CFAP61: variants seen among roughly 807,000 people sequenced by gnomAD.
The protein encoded by CFAP61 is cilia- and flagella-associated protein 61.
CFAP61 carries 107 observed loss-of-function variants against 135.6 expected under a neutral mutation model. The ratio of observed to expected loss-of-function variants is 0.79; its 90% CI spans 0.67 to 0.93. The LOEUF (loss-of-function observed/expected upper bound fraction) is 0.93, where lower values mean the gene tolerates loss of function less well. Among genes scored for constraint, CFAP61 ranks in the 40% least tolerant of loss-of-function variants. CFAP61 has a pLI of 0.00. For missense variants in CFAP61, 1,507 were observed against 1,556.2 expected (o/e 0.97, Z 0.53); for synonymous variants, 575 against 578.5 (o/e 0.99, Z 0.09).
At chr20:20,229,429 T>A (rs1188910681) in intron 18 of CFAP61, among the ~76,000 whole-genome samples, 1 of 152,186 alleles carries the variant, frequency 6.6e-6, no homozygotes, top group East Asian at 1.9e-4. Context: ...AATCTTTTGC[T>A]CAGGATCACA....
At chr20:20,351,795 A>T (rs538147233) in intron 26 of CFAP61, among the ~76,000 whole-genome samples, 18 of 152,326 alleles carry the variant, frequency 1.2e-4, no homozygotes, top group Admixed American at 9.1e-4. Context: ...AAGAATTCAT[A>T]TTGTTAAAAT....
chr20:20,314,720 T>C (rs2122213407), intron 25 of CFAP61, among the ~76,000 whole-genome samples: 1 of 121,254 alleles, frequency 8.2e-6, no homozygotes, highest in South Asian at 3.1e-4. Context: ...CAGAGTGTGA[T>C]GTTCCCCTTC....
chr20:20,321,825 G>T (rs1460321838), intron 25 of CFAP61, among the ~76,000 whole-genome samples: 2 of 152,068 alleles, frequency 1.3e-5, no homozygotes, highest in African/African-American at 4.8e-5. Flanking sequence ...AGAGTGTAAG[G>T]TGTATGTCCC....
intron 25 of CFAP61, among the ~76,000 whole-genome samples, chr20:20,337,298 A>ATGGGTGGG (rs2058238248): frequency 2.5e-5 from 1 of 40,016 alleles, no homozygotes; most frequent in East Asian, 1.5e-3. Context: ...GGATAGATGG[A>ATGGGTGGG]TGGATGGATG....
At chr20:20,239,885 G>T (rs113418643) in intron 18 of CFAP61, among the ~76,000 whole-genome samples, 41 of 152,316 alleles carry the variant, frequency 2.7e-4, no homozygotes, top group African/African-American at 9.9e-4. Context: ...AAACCCTCTA[G>T]ACAAGATGGT....
At chr20:20,248,919 G>A (rs1601609898) in intron 19 of CFAP61, among the ~76,000 whole-genome samples, 3 of 152,174 alleles carry the variant, frequency 2.0e-5, no homozygotes, top group African/African-American at 7.2e-5. Context: ...CTTATTATCT[G>A]TCTTCAGAAC....
At chr20:20,172,297 T>G (rs1471672832) in intron 13 of CFAP61, 1 of 975,564 alleles carries the variant, frequency 1.0e-6, no homozygotes, top group East Asian at 1.1e-4. Context: ...CTGTTATGTT[T>G]GATTTTTTTG....
chr20:20,314,643 G>A (rs556222818), intron 25 of CFAP61, among the ~76,000 whole-genome samples: 94 of 141,330 alleles, frequency 6.7e-4, no homozygotes, highest in South Asian at 2.3e-4. Flanking sequence ...CCACTAACTC[G>A]TCATCTAGCA....
intron 8 of CFAP61, among the ~76,000 whole-genome samples, chr20:20,126,842 G>A (rs1037934247): frequency 1.1e-4 from 16 of 151,758 alleles, no homozygotes; most frequent in African/African-American, 3.9e-4. Context: ...TTCTTCCTCA[G>A]GAATACTGAT....
chr20:20,300,499 G>A (rs896445127), intron 25 of CFAP61, among the ~76,000 whole-genome samples: 12 of 152,044 alleles, frequency 7.9e-5, no homozygotes, highest in African/African-American at 7.3e-5. Flanking sequence ...GTTTGTAACA[G>A]AAAGTTTAAA....
chr20:20,063,868 C>T (rs1006601092), intron 2 of CFAP61, among the ~76,000 whole-genome samples: 1 of 152,080 alleles, frequency 6.6e-6, no homozygotes, highest in African/African-American at 2.4e-5. Context: ...AATAAAAACC[C>T]ATTGCATTTT....
chr20:20,266,854 T>G (rs542355209), intron 21 of CFAP61, among the ~76,000 whole-genome samples: 1 of 152,300 alleles, frequency 6.6e-6, no homozygotes, highest in South Asian at 2.1e-4. Context: ...CTCACATGGG[T>G]TGCTGAGAGG....
intron 21 of CFAP61, among the ~76,000 whole-genome samples, chr20:20,270,772 T>A (rs573322321): frequency 4.6e-5 from 7 of 151,794 alleles, no homozygotes; most frequent in Non-Finnish European, 1.0e-4. Context: ...TGGGTTCAAA[T>A]GATCCTCCTA....
chr20:20,095,471 TTACTACTGA>T (rs1197650186), intron 7 of CFAP61: 1 of 152,314 alleles, frequency 6.6e-6, no homozygotes, highest in African/African-American at 2.4e-5. Context: ...TGGGAAACCC[TTACTACTGA>T]AAGGGTTTTT....
intron 1 of CFAP61, 72 bp from the exon 2 acceptor site, chr20:20,056,546 A>G (rs755877067): frequency 1.0e-4 from 108 of 1,051,740 alleles, no homozygotes; most frequent in Middle Eastern, 2.7e-4. Flanking sequence ...CACTCTGACC[A>G]CATGGAAATT....
At chr20:20,113,866 A>G (rs1041683090) in intron 8 of CFAP61, among the ~76,000 whole-genome samples, 2 of 151,726 alleles carry the variant, frequency 1.3e-5, no homozygotes, top group Non-Finnish European at 2.9e-5. Context: ...TAGACTTATG[A>G]TAAATCTTGA....
At chr20:20,118,391 A>T (rs2049346732) in intron 8 of CFAP61, among the ~76,000 whole-genome samples, 2 of 136,052 alleles carry the variant, frequency 1.5e-5, no homozygotes, top group Admixed American at 7.8e-5. Flanking sequence ...CCCAGACTGG[A>T]GTGCAATGGC....
intron 13 of CFAP61, among the ~76,000 whole-genome samples, chr20:20,186,710 T>C (rs553191525): frequency 2.1e-3 from 316 of 152,332 alleles, no homozygotes; most frequent in Non-Finnish European, 4.0e-3. Flanking sequence ...ATACAGATAT[T>C]GTTCTTTGCA....
At chr20:20,219,773 T>G (rs113881944) in intron 17 of CFAP61, among the ~76,000 whole-genome samples, 37 of 152,244 alleles carry the variant, frequency 2.4e-4, no homozygotes, top group African/African-American at 8.9e-4. Context: ...AATCAAAATG[T>G]GTATTATAAA....
Sources: allele counts gnomAD v4.1 joint callset (sites outside exome capture counted in the v4.1 genomes callset), GRCh38; gene constraint gnomAD v4.1.1; transcripts MANE v1.5; gene names NCBI Gene and HGNC (gene_info 2026-07-23, HGNC 2026-07-21).